Variants in FOXJ3 observed in about 807,000 individuals in gnomAD.
The protein encoded by FOXJ3 is forkhead box protein J3.
FOXJ3 carries 22 observed loss-of-function variants against 76.1 expected under a neutral mutation model. The ratio of observed to expected loss-of-function variants is 0.29; its 90% CI spans 0.21 to 0.41. The LOEUF (loss-of-function observed/expected upper bound fraction) is 0.41, where lower values mean the gene tolerates loss of function less well. FOXJ3 is among the 10% of genes least tolerant of loss of function. FOXJ3 has a pLI of 1.00. For missense variants in FOXJ3, 613 were observed against 762.1 expected (o/e 0.80, Z 2.30); for synonymous variants, 269 against 261.2 (o/e 1.03, Z -0.29).
At position 42,265,983 on chromosome 1, in the gene FOXJ3, C is replaced by G. The variant is rs117594314; in HGVS notation, c.370-794G>C. The stretch of plus-strand genomic sequence containing the variant: ...ATTCTTACAGAATATGCCCCAAAGT[C>G]CATTTCTTCTCAATTAAATGCTCCA... On this transcript the variant is annotated intron_variant, in intron 3 of 12. Coordinates refer to ENST00000361346, the MANE Select transcript of FOXJ3 (RefSeq NM_014947.5). Among the ~76,000 whole-genome samples, 319 of 152,192 alleles carry G rather than the reference C, an allele frequency of 2.1e-3. 2 individuals are homozygous for G. Among genetic ancestry groups the G allele is most frequent in the East Asian group, 0.02 (106 of 5,174 alleles).
intron 4 of FOXJ3, among the ~76,000 whole-genome samples, chr1:42,263,243 T>A (rs1056258041): frequency 6.6e-6 from 1 of 152,176 alleles, no homozygotes; most frequent in African/African-American, 2.4e-5. Context: ...GAGTCTCCAA[T>A]TGGTTAAAAT....
At chr1:42,179,973 CT>C in intron 12 of FOXJ3, 148 bp from the exon 13 acceptor site, 1 of 586,294 alleles carries the variant, frequency 1.7e-6, no homozygotes, top group Admixed American at 2.9e-5. Flanking sequence ...TCTTATGATC[CT>C]TATTTTATAG....
At chr1:42,214,984 T>C (rs1263473169) in intron 5 of FOXJ3, among the ~76,000 whole-genome samples, 1 of 152,220 alleles carries the variant, frequency 6.6e-6, no homozygotes, top group Non-Finnish European at 1.5e-5. Context: ...GCTTACAGTG[T>C]AACACAGTTA....
At chr1:42,250,951 T>G (rs1392477334) in intron 4 of FOXJ3, among the ~76,000 whole-genome samples, 1 of 151,774 alleles carries the variant, frequency 6.6e-6, no homozygotes, top group African/African-American at 2.4e-5. Context: ...TCTCAAGGAC[T>G]TGTGAAAAAA....
Position 42,181,190 on chromosome 1 carries a change from T to TG in FOXJ3, c.1753+726dup, listed in dbSNP as rs569161130. Reference sequence around the variant, plus strand: ...AATCCAGACACTGGGGCTTGAGTCTTGATCTGGCCACTCACTAAACTGGGT... The same window carrying TG: ...AATCCAGACACTGGGGCTTGAGTCTTGGATCTGGCCACTCACTAAACTGGGT... On this transcript the variant is annotated intron_variant, in intron 12 of 12. Coordinates refer to ENST00000361346, the MANE Select transcript of FOXJ3 (RefSeq NM_014947.5). Among the ~76,000 whole-genome samples, 933 of 152,312 alleles carry TG rather than the reference T, an allele frequency of 6.1e-3. 7 individuals carry two copies. Among genetic ancestry groups the TG allele is most frequent in the African/African-American group, 0.021 (882 of 41,558 alleles).
At chr1:42,316,838 TAA>T (rs1655142516) in intron 1 of FOXJ3, among the ~76,000 whole-genome samples, 1 of 152,094 alleles carries the variant, frequency 6.6e-6, no homozygotes, top group African/African-American at 2.4e-5. Context: ...TGCAAAGGCA[TAA>T]GAATGATACA....
At chr1:42,211,927 A>C (rs1266495202) in intron 5 of FOXJ3, among the ~76,000 whole-genome samples, 1 of 152,176 alleles carries the variant, frequency 6.6e-6, no homozygotes, top group African/African-American at 2.4e-5. Context: ...TAAGAAATGA[A>C]AAGACACAGT....
chr1:42,282,520 T>C (rs1056934785), intron 2 of FOXJ3, among the ~76,000 whole-genome samples: 8 of 152,222 alleles, frequency 5.3e-5, no homozygotes, highest in Admixed American at 2.0e-4. Flanking sequence ...TTCACATGCA[T>C]AGTTGAATCA....
intron 2 of FOXJ3, among the ~76,000 whole-genome samples, chr1:42,299,169 G>T (rs140551243): frequency 6.6e-6 from 1 of 152,128 alleles, no homozygotes; most frequent in East Asian, 1.9e-4. Flanking sequence ...AGAATTTTTC[G>T]AATTTCTGCC....
rs1022673599 is a variant in FOXJ3 at position 42,216,347 on chromosome 1, T to C, written c.529-10484A>G. ...TCCTGGCTAACACGGTGAAACCCCG[T>C]CTCTACTAAAAATACAAAAAATTAG... On this transcript the variant is annotated intron_variant, in intron 5 of 12. Transcript: ENST00000361346. 1.6e-3 allele frequency among the ~76,000 whole-genome samples: 247 copies of C among 151,672 alleles called. 3 individuals carry two copies. Among genetic ancestry groups the C allele is most frequent in the African/African-American group, 5.7e-3 (236 of 41,408 alleles).
At chr1:42,310,434 G>A (rs1449911597) in intron 2 of FOXJ3, among the ~76,000 whole-genome samples, 3 of 150,550 alleles carry the variant, frequency 2.0e-5, no homozygotes, top group Non-Finnish European at 4.4e-5. Flanking sequence ...ATGAGCCACC[G>A]CACCTGGGCT....
intron 1 of FOXJ3, among the ~76,000 whole-genome samples, chr1:42,329,442 A>G (rs1009212952): frequency 1.3e-5 from 2 of 152,250 alleles, no homozygotes; most frequent in African/African-American, 4.8e-5. Context: ...AGTTGTTATA[A>G]AACGCCACTG....
At chr1:42,216,434 C>T (rs1050971711) in intron 5 of FOXJ3, among the ~76,000 whole-genome samples, 22 of 151,402 alleles carry the variant, frequency 1.5e-4, no homozygotes, top group African/African-American at 5.1e-4. Flanking sequence ...AGGAGAATGG[C>T]GTGAACCCGG....
rs1646553659 is a variant in FOXJ3, at chr1:42,191,765, T to C, written c.935-46A>G. 3 of 1,579,488 alleles carry C rather than the reference T, an allele frequency of 1.9e-6. No individual in the cohort carries two copies. In the Admixed American group the frequency reaches 5.2e-5, roughly 27 times the overall value. The stretch of plus-strand genomic sequence containing the variant: ...TTTATGGTCAGATTTCAGTTGTATT[T>C]TATGACAAACATTTGTAAAATTATT... On this transcript the variant is annotated intron_variant, in intron 8 of 12. Transcript: ENST00000361346.
chr1:42,271,641 A>C (rs932501402), intron 3 of FOXJ3, among the ~76,000 whole-genome samples: 3 of 151,934 alleles, frequency 2.0e-5, no homozygotes, highest in African/African-American at 7.3e-5. Flanking sequence ...AATACCATGA[A>C]ATTTTATTTT....
intron 2 of FOXJ3, among the ~76,000 whole-genome samples, chr1:42,281,775 T>A (rs1446431143): frequency 6.6e-6 from 1 of 152,042 alleles, no homozygotes; most frequent in Non-Finnish European, 1.5e-5. Flanking sequence ...ACAAACTCAT[T>A]AGGGCGGGTG....
Position 42,205,855 on chromosome 1 carries a change from A to G in FOXJ3, c.537T>C (p.Thr179=), listed in dbSNP as rs1406667504. Residue 179 remains threonine, a synonymous_variant, in exon 6 of 13, where the codon ACT becomes ACC. Transcript: ENST00000361346. ...KRARSVERAS[T]PYSIDSDSLG... ...AAGAATCTGAATCTATGCTATATGG[A>G]GTTGAGGCCTAAAATACAAGAACAA... 9 of 1,595,380 alleles carry G rather than the reference A, an allele frequency of 5.6e-6. No homozygotes were observed. The East Asian group carries it at 1.8e-4, about 32-fold the overall frequency.
intron 1 of FOXJ3, among the ~76,000 whole-genome samples, chr1:42,325,038 A>C (rs2124785706): frequency 6.6e-6 from 1 of 152,344 alleles, no homozygotes; most frequent in East Asian, 1.9e-4. Flanking sequence ...ACAGTTGACC[A>C]AAATGTCATT....
rs1652550637 is a variant in FOXJ3 at position 42,279,651 on chromosome 1, G to A, written c.45-979C>T. ...ATTGAAGATAAGAATATAGAAACAAGGCTTGACACTTCACATTGGAATTGT... is the reference window on the plus strand; with the variant it reads ...ATTGAAGATAAGAATATAGAAACAAAGCTTGACACTTCACATTGGAATTGT... On this transcript the variant is annotated intron_variant, in intron 2 of 12. Transcript: ENST00000361346. Among the ~76,000 whole-genome samples, 11 of 152,092 alleles carry A rather than the reference G, an allele frequency of 7.2e-5. No homozygotes were observed. In the South Asian group the frequency reaches 2.3e-3, roughly 32 times the overall value.
Sources: gnomAD v4.1 joint callset for allele counts (sites outside exome capture counted in the v4.1 genomes callset) on GRCh38, gnomAD v4.1.1 for gene constraint, MANE v1.5 for transcripts, NCBI Gene and HGNC (gene_info 2026-07-23, HGNC 2026-07-21) for gene names.